The following PGD variants were observed in gnomAD, a reference collection of about 807,000 sequenced individuals.
PGD encodes the protein phosphogluconate dehydrogenase.
In PGD, 21 loss-of-function variants were observed where a neutral mutation model predicts 60.4. That is an observed-to-expected ratio of 0.35 (90% confidence interval 0.25 to 0.50). The LOEUF (loss-of-function observed/expected upper bound fraction) is 0.50, where lower values mean the gene tolerates loss of function less well. Among genes scored for constraint, PGD ranks in the 20% least tolerant of loss-of-function variants. PGD has a pLI of 0.98. For missense variants in PGD, 477 were observed against 613.1 expected (o/e 0.78, Z 2.34); for synonymous variants, 230 against 235.9 (o/e 0.97, Z 0.23).
chr1:10,413,447 T>C (rs1639540975), intron 8 of PGD, among the ~76,000 whole-genome samples, 196 bp downstream of exon 8: 1 of 152,210 alleles, frequency 6.6e-6, no homozygotes, highest in Non-Finnish European at 1.5e-5. Context: ...TCCTTGTAGT[T>C]CTTATCTCAT....
chr1:10,400,107 T>C (rs1021396121), intron 2 of PGD: 2 of 470,368 alleles, frequency 4.3e-6, no homozygotes, highest in Admixed American at 3.6e-5. Context: ...ATAGAGCCTG[T>C]TGAACCGGCC....
At position 10,399,684 on chromosome 1, in the gene PGD, A is replaced by T; in HGVS notation, c.64A>T (p.Met22Leu). ...CATGGGCCAGAACTTAATTCTGAAC[A>T]TGAATGACCACGGCTTTGTGGTAAG... ...AVMGQNLILN[M>L]NDHGFVVCAF... The change falls in exon 2 of 13, where the codon ATG becomes TTG. Residue 22 changes from methionine (M) to leucine (L), a missense_variant. By Grantham distance (15) the Met-to-Leu change is conservative (BLOSUM62 2). Transcript: ENST00000270776. 1 of 1,614,126 alleles carries T rather than the reference A, an allele frequency of 6.2e-7. No individual in the cohort carries two copies. Among genetic ancestry groups the T allele is most frequent in the Non-Finnish European group, 8.5e-7 (1 of 1,179,994 alleles).
chr1:10,413,145 T>C lies in PGD; in HGVS notation c.738T>C (p.Asp246=), dbSNP rs150181821. 66 of 1,614,178 alleles carry C rather than the reference T, an allele frequency of 4.1e-5. No individual in the cohort carries two copies. The highest frequency in any genetic ancestry group is 5.4e-5 in the Non-Finnish European group (64 of 1,180,000). The change falls in exon 8 of 13, where the codon GAT becomes GAC. Residue 246 remains aspartate (D), a synonymous_variant. Transcript: ENST00000270776. ...TANILKFQDT[D]GKHLLPKIRD... is the part of the protein sequence containing the mutation. ...ATATTCTCAAGTTCCAAGACACCGA[T>C]GGCAAACACCTGCTGCCAAAGATCA...
intron 3 of PGD, 72 bp downstream of exon 3, chr1:10,400,644 C>T: frequency 8.5e-7 from 1 of 1,180,562 alleles, no homozygotes; most frequent in Non-Finnish European, 1.2e-6. Flanking sequence ...AGTTCTCCTT[C>T]TTTTAACTCT....
intron 3 of PGD, among the ~76,000 whole-genome samples, chr1:10,402,528 A>ATTT (rs1179003611): frequency 6.9e-6 from 1 of 144,540 alleles, no homozygotes; most frequent in East Asian, 2.0e-4. Context: ...CTCAAAAAAA[A>ATTT]TTTTTTTTTT....
intron 5 of PGD, among the ~76,000 whole-genome samples, chr1:10,407,186 G>A (rs563435611): frequency 9.9e-5 from 15 of 152,138 alleles, no homozygotes; most frequent in Non-Finnish European, 1.9e-4. Context: ...GGTGGCTCAC[G>A]CCTATGGTCC....
At chr1:10,404,949 C>T (rs1432401715) in intron 5 of PGD, among the ~76,000 whole-genome samples, 2 of 152,236 alleles carry the variant, frequency 1.3e-5, no homozygotes, top group Non-Finnish European at 1.5e-5. Context: ...TGGCCCATGC[C>T]TGTAATCACT....
At position 10,399,087 on chromosome 1, in the gene PGD, G is replaced by C. The variant is rs779231588; in HGVS notation, c.-31G>C. 3.7e-5 allele frequency: 60 copies of C among 1,608,770 alleles called. No individual in the cohort carries two copies. The highest frequency in any genetic ancestry group is 8.0e-5 in the African/African-American group (6 of 74,864). ...TTCCCTCACTCGTCCTCCGCGCGTC[G>C]CCGCTCTTCGGTTCTGCTCTGTCCG... On this transcript the variant is annotated 5_prime_UTR_variant, in exon 1 of 13. Transcript: ENST00000270776.
chr1:10,404,137 T>C, intron 4 of PGD, 24 bp from the exon 5 acceptor site: 1 of 1,480,898 alleles, frequency 6.8e-7, no homozygotes. Flanking sequence ...GGAAGCATAA[T>C]GAAATTATTT....
intron 10 of PGD, 151 bp downstream of exon 10, chr1:10,417,660 T>G: frequency 1.4e-6 from 1 of 698,006 alleles, no homozygotes; most frequent in Non-Finnish European, 2.3e-6. Flanking sequence ...GATTATGTGG[T>G]TCCCTTCTTC....
intron 9 of PGD, 54 bp downstream of exon 9, chr1:10,417,171 G>A: frequency 6.2e-7 from 1 of 1,602,098 alleles, no homozygotes; most frequent in Non-Finnish European, 8.5e-7. Context: ...AGGCAGTGGG[G>A]GTGGGGGTTG....
chr1:10,418,706 T>G, intron 10 of PGD, 120 bp from the exon 11 acceptor site: 3 of 583,992 alleles, frequency 5.1e-6, no homozygotes, highest in Admixed American at 5.8e-5. Context: ...ACCTGGGAGG[T>G]GGAGGTTGCT....
chr1:10,417,712 CT>C (rs1337253312), intron 10 of PGD, among the ~76,000 whole-genome samples: 8 of 151,526 alleles, frequency 5.3e-5, no homozygotes, highest in African/African-American at 9.7e-5. Flanking sequence ...CACACTACAC[CT>C]TTTTTTTTCT....
At chr1:10,405,451 CCG>C (rs1365039716) in intron 5 of PGD, among the ~76,000 whole-genome samples, 2 of 141,292 alleles carry the variant, frequency 1.4e-5, no homozygotes, top group Non-Finnish European at 3.1e-5. Context: ...TGTGGGCAAT[CCG>C]ATATATATAT....
At chr1:10,399,885 A>T in intron 2 of PGD, 181 bp downstream of exon 2, 1 of 620,852 alleles carries the variant, frequency 1.6e-6, no homozygotes, top group Non-Finnish European at 2.9e-6. Context: ...CCGATCCCGA[A>T]CTTAGTCCTG....
intron 6 of PGD, among the ~76,000 whole-genome samples, chr1:10,410,654 G>T (rs1639484944): frequency 1.3e-5 from 2 of 152,028 alleles, no homozygotes; most frequent in Admixed American, 6.6e-5. Flanking sequence ...CTTTGTTCCA[G>T]TTCTTGACAA....
chr1:10,419,496 A>G lies in PGD; in HGVS notation c.1289A>G (p.Tyr430Cys), dbSNP rs372240950. 3.7e-5 allele frequency: 59 copies of G among 1,614,064 alleles called. No homozygotes were observed. The highest frequency in any genetic ancestry group is 1.4e-4 in the South Asian group (13 of 91,094). Reference protein sequence around the residue: ...MPCFTTALSFYDGYRHEMLPA... With the variant: ...MPCFTTALSFCDGYRHEMLPA... ...TGTTTTACCACTGCCCTCTCCTTCTATGACGGGTACAGACATGAGATGCTT... is the reference window on the plus strand; with the variant it reads ...TGTTTTACCACTGCCCTCTCCTTCTGTGACGGGTACAGACATGAGATGCTT... Residue 430 changes from tyrosine to cysteine, a missense_variant, in exon 12 of 13, where the codon TAT becomes TGT. This residue lies in a region of PGD where 431 missense variants were observed against 556.6 expected (regional missense o/e 0.77). Transcript: ENST00000270776.
intron 8 of PGD, among the ~76,000 whole-genome samples, chr1:10,414,270 G>C (rs1367713313): frequency 6.6e-6 from 1 of 152,146 alleles, no homozygotes; most frequent in African/African-American, 2.4e-5. Flanking sequence ...ACATTAGTGA[G>C]CTAAGCATCA....
intron 4 of PGD, among the ~76,000 whole-genome samples, chr1:10,403,590 G>GAAAAAA (rs71583866): frequency 0.25 from 16,436 of 66,750 alleles, 2,422 homozygotes; most frequent in Non-Finnish European, 0.32. Context: ...AACTCCATCT[G>GAAAAAA]AAAAAAAAAA....
Sources: gnomAD v4.1 joint callset for allele counts (sites outside exome capture counted in the v4.1 genomes callset) on GRCh38, gnomAD v4.1.1 for gene constraint, gnomAD v4.1.1 regional missense constraint, MANE v1.5 for transcripts, NCBI Gene and HGNC (gene_info 2026-07-23, HGNC 2026-07-21) for gene names.